WDR64: variants seen among roughly 807,000 people sequenced by gnomAD.
WDR64 encodes WD repeat domain 64.
A neutral mutation model predicts 139.3 loss-of-function variants in WDR64; 112 were observed. The ratio of observed to expected loss-of-function variants is 0.80; its 90% confidence interval spans 0.69 to 0.94. WDR64 has a LOEUF of 0.94. WDR64 is among the 40% of genes least tolerant of loss of function. The pLI, the probability that WDR64 is intolerant of heterozygous loss-of-function variation, is 0.00. For missense variants in WDR64, 1,206 were observed against 1,293.1 expected (o/e 0.93, Z 1.03); for synonymous variants, 444 against 437.7 (o/e 1.01, Z -0.18).
intron 10 of WDR64, among the ~76,000 whole-genome samples, chr1:241,725,634 C>T (rs1049642307): frequency 6.6e-6 from 1 of 152,126 alleles, no homozygotes; most frequent in Non-Finnish European, 1.5e-5. Context: ...GAGGAAAATG[C>T]ACCCGGCACC....
chr1:241,785,172 CTGT>C (rs1363209182), intron 23 of WDR64, among the ~76,000 whole-genome samples: 2 of 152,120 alleles, frequency 1.3e-5, no homozygotes, highest in African/African-American at 4.8e-5. Context: ...GTACATGCCA[CTGT>C]TGTTGTAAGG....
At chr1:241,678,842 A>G (rs951928330) in intron 5 of WDR64, among the ~76,000 whole-genome samples, 4 of 132,650 alleles carry the variant, frequency 3.0e-5, no homozygotes, top group African/African-American at 1.1e-4. Context: ...AAACTTCTGA[A>G]CCTCCATTTC....
At chr1:241,675,062 T>TCCCTCCTGCCTCCCTC (rs1666450110) in intron 4 of WDR64, among the ~76,000 whole-genome samples, 1 of 14,410 alleles carries the variant, frequency 6.9e-5, no homozygotes, top group African/African-American at 2.5e-4. Context: ...TTTTCTCCCT[T>TCCCTCCTGCCTCCCTC]CCTCCTTCCT....
intron 9 of WDR64, 132 bp downstream of exon 9, chr1:241,712,013 T>G: frequency 1.1e-6 from 1 of 879,708 alleles, no homozygotes; most frequent in Non-Finnish European, 1.8e-6. Context: ...TGTCTTTTTC[T>G]TTCTGGCGTC....
chr1:241,736,972 A>G (rs1669352165), intron 10 of WDR64, among the ~76,000 whole-genome samples: 1 of 152,210 alleles, frequency 6.6e-6, no homozygotes, highest in South Asian at 2.1e-4. Context: ...CCATGAACAT[A>G]CCTTAGCCAA....
chr1:241,791,998 T>C (rs558799660), intron 25 of WDR64, among the ~76,000 whole-genome samples: 1 of 152,294 alleles, frequency 6.6e-6, no homozygotes, highest in African/African-American at 2.4e-5. Flanking sequence ...TAAGCTAAGG[T>C]CTAGCATTAA....
At chr1:241,662,020 A>G (rs1665852436) in intron 2 of WDR64, among the ~76,000 whole-genome samples, 1 of 152,216 alleles carries the variant, frequency 6.6e-6, no homozygotes. Flanking sequence ...CAGACTTCCA[A>G]CCTTAAAGTA....
chr1:241,682,688 CCTTCCTCTCAACCTCCTCTTAAT>C (rs1308707979), intron 6 of WDR64, among the ~76,000 whole-genome samples: 2 of 152,152 alleles, frequency 1.3e-5, no homozygotes, highest in Non-Finnish European at 2.9e-5. Flanking sequence ...CTGCTAGACT[CCTTCCTCTCAACCTCCTCTTAAT>C]CTTCCTCTCA....
intron 9 of WDR64, among the ~76,000 whole-genome samples, chr1:241,715,776 G>A (rs1003733057): frequency 1.3e-5 from 2 of 152,116 alleles, no homozygotes; most frequent in Non-Finnish European, 2.9e-5. Context: ...GAACTGACCA[G>A]TTTTTATAGG....
intron 23 of WDR64, 45 bp downstream of exon 23, chr1:241,783,426 T>C (rs1234705883): frequency 2.1e-6 from 3 of 1,436,694 alleles, no homozygotes; most frequent in Non-Finnish European, 2.9e-6. Flanking sequence ...ACTGTGAGCA[T>C]GAGAGGTAAA....
At chr1:241,735,532 TC>T (rs774607383) in intron 10 of WDR64, among the ~76,000 whole-genome samples, 14 of 78,958 alleles carry the variant, frequency 1.8e-4, no homozygotes, top group African/African-American at 6.8e-4. Context: ...TCTCTCTCTC[TC>T]TTTTTTTTTT....
At chr1:241,701,917 C>T (rs12117802) in intron 8 of WDR64, among the ~76,000 whole-genome samples, 38,094 of 152,004 alleles carry the variant, frequency 0.25, 5,300 homozygotes, top group Non-Finnish European at 0.32. Flanking sequence ...TGCATTTATA[C>T]AATACATAAT....
chr1:241,786,683 G>A (rs956651711), intron 23 of WDR64, among the ~76,000 whole-genome samples: 1 of 152,178 alleles, frequency 6.6e-6, no homozygotes, highest in African/African-American at 2.4e-5. Context: ...CTTAAGTTTG[G>A]TTGATGCTGA....
chr1:241,791,240 C>T (rs1281803122), intron 25 of WDR64, among the ~76,000 whole-genome samples: 1 of 152,066 alleles, frequency 6.6e-6, no homozygotes, highest in Non-Finnish European at 1.5e-5. Flanking sequence ...GAGCTGAGAT[C>T]GTGCCGCTGC....
chr1:241,746,032 A>G (rs1246627418), intron 13 of WDR64, among the ~76,000 whole-genome samples: 1 of 152,144 alleles, frequency 6.6e-6, no homozygotes, highest in Non-Finnish European at 1.5e-5. Flanking sequence ...TTTTCCTATA[A>G]TGCCACAGAG....
At chr1:241,789,399 A>G (rs1659149718) in intron 24 of WDR64, among the ~76,000 whole-genome samples, 1 of 152,232 alleles carries the variant, frequency 6.6e-6, no homozygotes, top group Non-Finnish European at 1.5e-5. Context: ...AGGAATATAA[A>G]TCATTCTACT....
intron 23 of WDR64, among the ~76,000 whole-genome samples, chr1:241,786,921 C>A (rs1165508338): frequency 6.6e-6 from 1 of 152,130 alleles, no homozygotes; most frequent in Non-Finnish European, 1.5e-5. Flanking sequence ...AGGCCATTAC[C>A]CTTAGCAACC....
At chr1:241,759,569 A>T (rs1349415544) in intron 15 of WDR64, among the ~76,000 whole-genome samples, 2 of 152,148 alleles carry the variant, frequency 1.3e-5, no homozygotes, top group African/African-American at 4.8e-5. Flanking sequence ...AATATAATCA[A>T]ATACTTGGCT....
chr1:241,801,351 G>A lies in WDR64; in HGVS notation c.*136G>A. 1 of 724,890 alleles carries A rather than the reference G, an allele frequency of 1.4e-6. No homozygotes were observed. Among genetic ancestry groups the A allele is most frequent in the East Asian group, 2.6e-5 (1 of 38,316 alleles). The allele number at this position is 724,890 out of a possible 1,614,324, so 44.9% of individuals were successfully genotyped here. A position where few individuals can be genotyped will look rare whatever the true frequency, so the allele number is the denominator to read the frequency against. The stretch of plus-strand genomic sequence containing the variant: ...TGGTGTCAGGCCATCCTATTGATGG[G>A]AAAGATTGCTTAGGGAGTTCTGGTG... On this transcript the variant is annotated 3_prime_UTR_variant, in exon 28 of 28. Transcript: ENST00000437684.
Sources: gnomAD v4.1 joint callset for allele counts (sites outside exome capture counted in the v4.1 genomes callset) on GRCh38, gnomAD v4.1.1 for gene constraint, MANE v1.5 for transcripts, NCBI Gene and HGNC (gene_info 2026-07-23, HGNC 2026-07-21) for gene names.